Variants in ABHD17B observed in about 807,000 individuals in gnomAD.
ABHD17B encodes the protein abhydrolase domain containing 17B, depalmitoylase, also known as alpha/beta hydrolase domain-containing protein 17B.
Under a neutral mutation model 26.2 loss-of-function variants are expected in ABHD17B, and 9 were observed. The observed-to-expected ratio is 0.34, with a 90% CI of 0.21 to 0.60. The LOEUF is 0.60. Among genes scored for constraint, ABHD17B ranks in the 20% least tolerant of loss-of-function variants. The probability of loss-of-function intolerance (pLI) is 0.80; values close to 1 mark genes in which losing one functional copy is unlikely to be tolerated. For synonymous variants in ABHD17B, 127 were observed against 122.3 expected, an observed-to-expected ratio of 1.04 and a Z score of -0.25; for missense variants, 224 against 352.1, an observed-to-expected ratio of 0.64 and a Z score of 2.91.
chr9:71,889,319 G>A (rs116158412), intron 1 of ABHD17B, among the ~76,000 whole-genome samples: 53 of 145,990 alleles, frequency 3.6e-4, no homozygotes, highest in Non-Finnish European at 3.4e-4. Context: ...TCCGTCTAAA[G>A]AAAAAAAAAA....
chr9:71,893,815 C>T (rs1009059304), intron 1 of ABHD17B, among the ~76,000 whole-genome samples: 40 of 152,250 alleles, frequency 2.6e-4, no homozygotes, highest in African/African-American at 7.7e-4. Flanking sequence ...ACTGGCCGGG[C>T]GCGGTGGCTC....
At chr9:71,898,067 A>G (rs1827010684) in intron 1 of ABHD17B, among the ~76,000 whole-genome samples, 1 of 152,212 alleles carries the variant, frequency 6.6e-6, no homozygotes, top group Non-Finnish European at 1.5e-5. Context: ...ATATAAGAAA[A>G]TAAGAACAAT....
At chr9:71,906,402 G>A (rs568247638) in intron 1 of ABHD17B, among the ~76,000 whole-genome samples, 35 of 152,208 alleles carry the variant, frequency 2.3e-4, no homozygotes, top group Non-Finnish European at 4.6e-4. Context: ...ATCTGTAGCT[G>A]TTGTATTGAT....
At chr9:71,902,570 A>C (rs767701063) in intron 1 of ABHD17B, 1 of 152,238 alleles carries the variant, frequency 6.6e-6, no homozygotes, top group Non-Finnish European at 1.5e-5. Flanking sequence ...TTGATTAATA[A>C]AAGTGACAAT....
chr9:71,900,566 C>A (rs1354201651), intron 1 of ABHD17B, among the ~76,000 whole-genome samples: 1 of 147,620 alleles, frequency 6.8e-6, no homozygotes, highest in Admixed American at 6.9e-5. Flanking sequence ...GTGGTAGAAT[C>A]GCTTGAATTC....
Position 71,867,070 on chromosome 9 carries a change from T to C in ABHD17B, c.648-64A>G, listed in dbSNP as rs1825979634. On this transcript the variant is annotated intron_variant, in intron 3 of 3. Coordinates refer to ENST00000333421, the MANE Select transcript of ABHD17B (RefSeq NM_001025780.3). ...AACTATGTAAAGGAACATATTCTTG[T>C]GCTATATCAGACAGATAATTCAAAT... 19 of 1,532,370 alleles carry C rather than the reference T, an allele frequency of 1.2e-5. 1 individual carries two copies. In the South Asian group the frequency reaches 2.2e-4, roughly 18 times the overall value. The allele number at this position is 1,532,370 out of a possible 1,614,324, so 94.9% of individuals were successfully genotyped here.
chr9:71,876,231 G>A (rs949263336), intron 1 of ABHD17B, among the ~76,000 whole-genome samples: 4 of 152,176 alleles, frequency 2.6e-5, no homozygotes, highest in African/African-American at 9.7e-5. Flanking sequence ...TTAGGAAGCT[G>A]GGGTAAAATC....
chr9:71,880,150 T>C (rs1826397730), intron 1 of ABHD17B, among the ~76,000 whole-genome samples: 1 of 152,168 alleles, frequency 6.6e-6, no homozygotes, highest in Non-Finnish European at 1.5e-5. Flanking sequence ...GGCTAGAATA[T>C]GCAAATAACC....
At chr9:71,909,143 T>C (rs995691105) in intron 1 of ABHD17B, among the ~76,000 whole-genome samples, 1 of 152,200 alleles carries the variant, frequency 6.6e-6, no homozygotes, top group Admixed American at 6.5e-5. Context: ...TCAACTAGAA[T>C]ACTGCACACT....
chr9:71,904,635 T>A (rs1543256), intron 1 of ABHD17B, among the ~76,000 whole-genome samples: 143,489 of 152,194 alleles, frequency 0.94, 68,151 homozygotes, highest in East Asian at 1. Context: ...CTACTCACAT[T>A]TGATGATGCT....
Position 71,866,693 on chromosome 9 carries a change from T to C in ABHD17B, c.*94A>G, listed in dbSNP as rs1825964016. On this transcript the variant is annotated 3_prime_UTR_variant, in exon 4 of 4. Coordinates refer to ENST00000333421, the MANE Select transcript of ABHD17B (RefSeq NM_001025780.3). ...TGTACATTTATGAAGGCAACTGACA[T>C]GATTTGCAAACAAAACCTTCAGGTT... 1.3e-6 allele frequency: 2 copies of C among 1,521,274 alleles called. No individual in the cohort carries two copies. Among genetic ancestry groups the C allele is most frequent in the East Asian group, 2.4e-5 (1 of 41,410 alleles). The allele number at this position is 1,521,274 out of a possible 1,614,324, so 94.2% of individuals were successfully genotyped here. A position where few individuals can be genotyped will look rare whatever the true frequency, so the allele number is the denominator to read the frequency against.
intron 1 of ABHD17B, among the ~76,000 whole-genome samples, chr9:71,885,563 C>T (rs1247880863): frequency 6.6e-6 from 1 of 151,658 alleles, no homozygotes; most frequent in African/African-American, 2.4e-5. Flanking sequence ...TCTTCACTTA[C>T]AGCAAGAGCA....
chr9:71,867,878 A>G (rs563385524), intron 3 of ABHD17B, among the ~76,000 whole-genome samples: 5 of 152,178 alleles, frequency 3.3e-5, no homozygotes, highest in Admixed American at 3.3e-4. Flanking sequence ...GAATGCTGGT[A>G]GTCAGGCCAC....
chr9:71,868,813 C>T (rs1439036373), intron 3 of ABHD17B, among the ~76,000 whole-genome samples: 1 of 152,112 alleles, frequency 6.6e-6, no homozygotes, highest in African/African-American at 2.4e-5. Context: ...CTCAGCCTCT[C>T]GAGTAGCTGG....
intron 1 of ABHD17B, among the ~76,000 whole-genome samples, chr9:71,910,116 C>T (rs993975334): frequency 1.3e-5 from 2 of 152,096 alleles, no homozygotes; most frequent in African/African-American, 2.4e-5. Context: ...CCGGAATACA[C>T]AAATCGCCAA....
intron 2 of ABHD17B, among the ~76,000 whole-genome samples, chr9:71,871,283 G>A (rs1449531207): frequency 1.3e-5 from 2 of 152,152 alleles, no homozygotes; most frequent in Admixed American, 6.5e-5. Context: ...TTCTCTTCCA[G>A]GGGCATAATA....
intron 1 of ABHD17B, among the ~76,000 whole-genome samples, chr9:71,876,179 C>G (rs985736618): frequency 8.6e-5 from 13 of 152,012 alleles, no homozygotes; most frequent in African/African-American, 2.9e-4. Flanking sequence ...TAAAGGTAAA[C>G]TTTTCTAAAT....
chr9:71,864,756 C>T (rs1003596615), downstream of ABHD17B, among the ~76,000 whole-genome samples: 2 of 152,168 alleles, frequency 1.3e-5, no homozygotes, highest in Non-Finnish European at 2.9e-5. Context: ...CAGCCCTTAT[C>T]AAAATAGTAA....
chr9:71,874,517 GT>G (rs1826202945), intron 2 of ABHD17B, 96 bp downstream of exon 2: 4 of 926,068 alleles, frequency 4.3e-6, no homozygotes, highest in Non-Finnish European at 6.4e-6. Flanking sequence ...CTATATAGCA[GT>G]TATGTATAAT....
Sources: allele counts gnomAD v4.1 joint callset (sites outside exome capture counted in the v4.1 genomes callset), GRCh38; gene constraint gnomAD v4.1.1; transcripts MANE v1.5; gene names NCBI Gene and HGNC (gene_info 2026-07-23, HGNC 2026-07-21).